The following PHLPP1 variants were observed in gnomAD, a reference collection of about 807,000 sequenced individuals.
PHLPP1 encodes the protein PH domain leucine-rich repeat-containing protein phosphatase 1.
PHLPP1 carries 42 observed loss-of-function variants against 117.2 expected under a neutral mutation model. The ratio of observed to expected loss-of-function variants is 0.36; its 90% confidence interval spans 0.28 to 0.46. The LOEUF (loss-of-function observed/expected upper bound fraction) is 0.46, where lower values mean the gene tolerates loss of function less well. Ranked by LOEUF, PHLPP1 falls within the 20% of genes least tolerant of loss-of-function variation. PHLPP1 has a pLI of 1.00. For synonymous variants in PHLPP1, 1,042 were observed against 970.7 expected (o/e 1.07, Z -1.37); for missense variants, 2,084 against 2,241.9 (o/e 0.93, Z 1.42).
At chr18:62,839,714 C>G (rs1480629276) in intron 3 of PHLPP1, 3 of 139,180 alleles carry the variant, frequency 2.2e-5, no homozygotes, top group Non-Finnish European at 4.6e-5. Flanking sequence ...GAGACTCTGA[C>G]TTAAAAAAAA....
intron 15 of PHLPP1, 74 bp downstream of exon 15, chr18:62,972,782 G>C: frequency 1.7e-6 from 2 of 1,162,820 alleles, no homozygotes; most frequent in South Asian, 3.0e-5. Flanking sequence ...GTTTAGAAAA[G>C]CAGGTGCCCA....
At chr18:62,914,370 C>A (rs973307775) in intron 8 of PHLPP1, among the ~76,000 whole-genome samples, 1 of 152,124 alleles carries the variant, frequency 6.6e-6, no homozygotes, top group Non-Finnish European at 1.5e-5. Context: ...AAATTTGGAG[C>A]TAGACTGTTT....
intron 4 of PHLPP1, among the ~76,000 whole-genome samples, chr18:62,871,067 A>G (rs73458293): frequency 0.033 from 5,050 of 152,276 alleles, 302 homozygotes; most frequent in African/African-American, 0.12. Context: ...GATGACTCAG[A>G]TAGTCTTAAT....
At chr18:62,739,628 A>G (rs917934566) in intron 1 of PHLPP1, among the ~76,000 whole-genome samples, 3 of 152,170 alleles carry the variant, frequency 2.0e-5, no homozygotes, top group African/African-American at 7.2e-5. Context: ...GCTAAGGATG[A>G]TGGATGAACA....
Position 62,781,377 on chromosome 18 carries a change from G to A in PHLPP1, c.1577-48658G>A, listed in dbSNP as rs184518618. On this transcript the variant is annotated intron_variant, in intron 1 of 16. Transcript: ENST00000262719. ...CACCTAACCTGCCTACCAGGGCCTC[G>A]CCATGGACAGTAGACAGGTGTCTGC... Among the ~76,000 whole-genome samples the A allele has an allele frequency of 3.9e-5, 6 of 152,220 alleles. No individual in the cohort carries two copies. The East Asian group carries it at 9.7e-4, about 24-fold the overall frequency.
intron 1 of PHLPP1, among the ~76,000 whole-genome samples, chr18:62,774,954 C>T (rs1281515334): frequency 6.6e-6 from 1 of 152,006 alleles, no homozygotes; most frequent in Non-Finnish European, 1.5e-5. Context: ...AAAAATAACC[C>T]ATAATCACCA....
chr18:62,960,759 C>G (rs1599142851), intron 13 of PHLPP1, among the ~76,000 whole-genome samples: 1 of 152,156 alleles, frequency 6.6e-6, no homozygotes, highest in Non-Finnish European at 1.5e-5. Flanking sequence ...TCGTACGTAT[C>G]AAGCTTTTTA....
chr18:62,794,982 G>A (rs1264926092), intron 1 of PHLPP1, among the ~76,000 whole-genome samples: 1 of 152,104 alleles, frequency 6.6e-6, no homozygotes, highest in Non-Finnish European at 1.5e-5. Flanking sequence ...CTGACACTGT[G>A]TATCCCCCAG....
At chr18:62,726,287 T>C (rs1472007737) in intron 1 of PHLPP1, among the ~76,000 whole-genome samples, 3 of 151,770 alleles carry the variant, frequency 2.0e-5, no homozygotes, top group Admixed American at 1.3e-4. Flanking sequence ...CATTAATTGG[T>C]AACTCATTGT....
chr18:62,774,690 G>A (rs370007032), intron 1 of PHLPP1, among the ~76,000 whole-genome samples: 4 of 152,008 alleles, frequency 2.6e-5, no homozygotes, highest in African/African-American at 4.8e-5. Flanking sequence ...CTTGACTTTC[G>A]TTTAGAAACC....
intron 1 of PHLPP1, among the ~76,000 whole-genome samples, chr18:62,793,750 C>T (rs1356035856): frequency 6.6e-6 from 1 of 152,170 alleles, no homozygotes; most frequent in Non-Finnish European, 1.5e-5. Context: ...GGAGCCAGGA[C>T]TCAAACACAG....
chr18:62,915,075 G>C (rs779714175), intron 9 of PHLPP1, 67 bp downstream of exon 9: 5 of 1,136,614 alleles, frequency 4.4e-6, no homozygotes, highest in East Asian at 2.4e-5. Flanking sequence ...TGCTGATTCA[G>C]TGTTTAACTT....
chr18:62,932,602 C>T (rs1909848075), intron 10 of PHLPP1, among the ~76,000 whole-genome samples: 1 of 152,106 alleles, frequency 6.6e-6, no homozygotes, highest in African/African-American at 2.4e-5. Flanking sequence ...AACTAGGCAT[C>T]AACGGAATGT....
chr18:62,823,819 T>G (rs776852254), intron 1 of PHLPP1, among the ~76,000 whole-genome samples: 1 of 152,010 alleles, frequency 6.6e-6, no homozygotes. Flanking sequence ...CCACTACATA[T>G]GCACTAGAAT....
At chr18:62,833,239 A>G (rs1914802183) in intron 2 of PHLPP1, among the ~76,000 whole-genome samples, 1 of 151,990 alleles carries the variant, frequency 6.6e-6, no homozygotes, top group Non-Finnish European at 1.5e-5. Flanking sequence ...ATGCCCGGCC[A>G]ATTTTTGTAC....
In PHLPP1 at chr18:62,978,296, G is replaced by T; in HGVS notation, c.4019G>T (p.Arg1340Leu). The change falls in exon 17 of 17, where the codon CGC (arginine) becomes CTC (leucine). Residue 1340 changes from arginine (R) to leucine (L), a missense_variant. By Grantham distance (102) the Arg-to-Leu change is moderately radical (BLOSUM62 -2). Around this residue, in one of 2 missense-constraint regions of PHLPP1, gnomAD observed 1,365 missense variants for 1,605.9 expected, o/e 0.85. Coordinates refer to ENST00000262719, the MANE Select transcript of PHLPP1 (RefSeq NM_194449.4). This position sits in a 1 kb window ranked among gnomAD's most constrained non-coding sequence, Gnocchi z 7.0. The stretch of plus-strand genomic sequence containing the variant: ...GTGAACGGAGTGACTGAGTCCACGC[G>T]CATCCTGGGCTACACCTTCCTCCAT... ...GKVNGVTEST[R>L]ILGYTFLHPS... 1 of 1,610,744 alleles carries T rather than the reference G, an allele frequency of 6.2e-7. No individual in the cohort carries two copies. The highest frequency in any genetic ancestry group is 8.5e-7 in the Non-Finnish European group (1 of 1,177,736).
At chr18:62,873,935 AG>A (rs1167838620) in intron 4 of PHLPP1, among the ~76,000 whole-genome samples, 2 of 152,182 alleles carry the variant, frequency 1.3e-5, no homozygotes, top group Non-Finnish European at 1.5e-5. Flanking sequence ...TTGTAATCCC[AG>A]CACTTTGGGG....
rs536798554 is a variant in PHLPP1, at chr18:62,727,437, A to G, written c.1576+10178A>G. Among the ~76,000 whole-genome samples the G allele has an allele frequency of 1.4e-4, 21 of 151,842 alleles. No homozygotes were observed. The East Asian group carries it at 3.7e-3, about 27-fold the overall frequency. Reference sequence around the variant, plus strand: ...CAGCCTTGGCAACATAGTGAGACCCATTCTCTACAAAATAATAATAATAAA... The same window carrying G: ...CAGCCTTGGCAACATAGTGAGACCCGTTCTCTACAAAATAATAATAATAAA... On this transcript the variant is annotated intron_variant, in intron 1 of 16. Coordinates refer to ENST00000262719, the MANE Select transcript of PHLPP1 (RefSeq NM_194449.4).
chr18:62,854,095 C>T (rs537639232), intron 3 of PHLPP1, among the ~76,000 whole-genome samples: 3 of 152,290 alleles, frequency 2.0e-5, no homozygotes, highest in African/African-American at 7.2e-5. Flanking sequence ...ACCCCACATA[C>T]TGTTAAGCTG....
Sources: allele counts gnomAD v4.1 joint callset (sites outside exome capture counted in the v4.1 genomes callset), GRCh38; gene constraint gnomAD v4.1.1; regional missense constraint gnomAD v4.1.1; non-coding constraint Gnocchi (gnomAD v3.1); transcripts MANE v1.5; gene names NCBI Gene and HGNC (gene_info 2026-07-23, HGNC 2026-07-21).